Variants in FRS2 observed in about 807,000 individuals in gnomAD.
The protein encoded by FRS2 is fibroblast growth factor receptor substrate 2.
Under a neutral mutation model 43.9 loss-of-function variants are expected in FRS2, and 8 were observed. The ratio of observed to expected loss-of-function variants is 0.18; its 90% confidence interval spans 0.11 to 0.33. The LOEUF (loss-of-function observed/expected upper bound fraction) is 0.33, where lower values mean the gene tolerates loss of function less well. Among genes scored for constraint, FRS2 ranks in the 10% least tolerant of loss-of-function variants. The pLI is 1.00. For missense variants in FRS2, 534 were observed against 627.6 expected (o/e 0.85, Z 1.59); for synonymous variants, 219 against 220.3 (o/e 0.99, Z 0.05).
rs1393006956 is a variant in FRS2, at chr12:69,579,113, C to G, written c.*4158C>G. ...TCTATCCCTTCCCACCCTTTGTTCTCTATTTCTCCCTATCAGTGCCAACTT... is the reference window on the plus strand; with the variant it reads ...TCTATCCCTTCCCACCCTTTGTTCTGTATTTCTCCCTATCAGTGCCAACTT... On this transcript the variant is annotated 3_prime_UTR_variant, in exon 9 of 9. Transcript: ENST00000549921. 6.6e-6 allele frequency: 1 copy of G among 152,642 alleles called. No homozygotes were observed. The highest frequency in any genetic ancestry group is 1.9e-4 in the East Asian group (1 of 5,200). 9.5% of individuals were successfully genotyped at this position (152,642 alleles called of 1,614,324 possible).
intron 1 of FRS2, among the ~76,000 whole-genome samples, chr12:69,506,428 G>A (rs710791): frequency 0.51 from 76,919 of 151,846 alleles, 22,400 homozygotes; most frequent in African/African-American, 0.8. Flanking sequence ...GAATAATATC[G>A]CAAATACAGT....
intron 1 of FRS2, among the ~76,000 whole-genome samples, chr12:69,497,693 G>A (rs1873033557): frequency 6.6e-6 from 1 of 152,230 alleles, no homozygotes; most frequent in Non-Finnish European, 1.5e-5. Flanking sequence ...GGGAGAGTGA[G>A]CCCTGTAGAT....
chr12:69,510,992 T>C (rs1235476437), intron 1 of FRS2, among the ~76,000 whole-genome samples: 7 of 152,220 alleles, frequency 4.6e-5, no homozygotes, highest in Admixed American at 4.6e-4. Flanking sequence ...CTGGGAGAAG[T>C]AGTATCTTTC....
intron 1 of FRS2, among the ~76,000 whole-genome samples, chr12:69,476,635 C>A (rs1478393427): frequency 1.3e-5 from 2 of 151,848 alleles, no homozygotes; most frequent in Non-Finnish European, 2.9e-5. Context: ...AGAAGTCCTC[C>A]TGGGGACACA....
In FRS2 at chr12:69,542,580, G is replaced by A. The variant is rs774536744; in HGVS notation, c.-122+10524G>A. On this transcript the variant is annotated intron_variant, in intron 3 of 8. Transcript: ENST00000549921. ...GAAAGAAAATATTTAAACTAATATT[G>A]TTTGTAGCTAAACCATTATTTCATT... Among the ~76,000 whole-genome samples, 62 of 152,088 alleles carry A rather than the reference G, an allele frequency of 4.1e-4. 1 individual carries two copies. The highest frequency in any genetic ancestry group is 7.5e-4 in the Non-Finnish European group (51 of 68,012).
intron 3 of FRS2, among the ~76,000 whole-genome samples, chr12:69,555,941 CAGTT>C (rs771336450): frequency 4.2e-5 from 6 of 144,314 alleles, no homozygotes; most frequent in East Asian, 2.1e-4. Flanking sequence ...ATTTGTGAAA[CAGTT>C]TGTTTTGGGG....
Position 69,557,628 on chromosome 12 carries a change from G to A in FRS2, c.-121-4552G>A, listed in dbSNP as rs553947853. Among the ~76,000 whole-genome samples the A allele has an allele frequency of 1.2e-3, 182 of 147,526 alleles. 1 individual carries two copies. Among genetic ancestry groups the A allele is most frequent in the South Asian group, 4.3e-3 (20 of 4,690 alleles). ...TGTGTGTGTGTGTGTGTGCGCGCGC[G>A]CGCGCGCGCAGGTGCATGCACGCTA... On this transcript the variant is annotated intron_variant, in intron 3 of 8. Coordinates refer to ENST00000549921, the MANE Select transcript of FRS2 (RefSeq NM_001278356.2).
Position 69,570,410 on chromosome 12 carries a change from C to T in FRS2, c.146C>T (p.Thr49Ile), listed in dbSNP as rs1418475076. 6.2e-7 allele frequency: 1 copy of T among 1,612,364 alleles called. No homozygotes were observed. The highest frequency in any genetic ancestry group is 2.2e-5 in the East Asian group (1 of 44,876). ...ACAGACACAGAACTGATTTTATACA[C>T]CCGCAAACGTGACTCAGTAAAATGG... is the stretch of plus-strand genomic sequence containing the variant. ...ELTDTELILY[T>I]RKRDSVKWHY... Residue 49 changes from threonine to isoleucine, a missense_variant, in exon 6 of 9, where the codon ACC becomes ATC. This residue lies in a region of FRS2 where 76 missense variants were observed against 90.5 expected (regional missense o/e 0.84). Transcript: ENST00000549921.
chr12:69,502,937 T>C (rs1565730267), intron 1 of FRS2, among the ~76,000 whole-genome samples: 1 of 152,206 alleles, frequency 6.6e-6, no homozygotes, highest in Non-Finnish European at 1.5e-5. Flanking sequence ...AGTCCCTTAT[T>C]AATTTTGCTA....
At chr12:69,546,977 C>G (rs1195728255) in intron 3 of FRS2, among the ~76,000 whole-genome samples, 1 of 152,080 alleles carries the variant, frequency 6.6e-6, no homozygotes, top group Non-Finnish European at 1.5e-5. Context: ...TGTTCATTGA[C>G]AGATGAATGG....
chr12:69,489,480 G>T (rs1033743052), intron 1 of FRS2, among the ~76,000 whole-genome samples: 10 of 152,060 alleles, frequency 6.6e-5, no homozygotes, highest in Non-Finnish European at 1.3e-4. Flanking sequence ...GACCAGCCTG[G>T]GCAACATGGT....
At chr12:69,498,916 TACACACTTG>T (rs918009955) in intron 1 of FRS2, among the ~76,000 whole-genome samples, 3 of 152,236 alleles carry the variant, frequency 2.0e-5, no homozygotes, top group Non-Finnish European at 2.9e-5. Context: ...GTCCCTTCAT[TACACACTTG>T]ATGTTTATAA....
intron 1 of FRS2, among the ~76,000 whole-genome samples, chr12:69,513,989 G>A (rs1412307202): frequency 2.0e-5 from 3 of 151,804 alleles, no homozygotes; most frequent in Admixed American, 2.0e-4. Context: ...GTCTTCCCAG[G>A]ATAAATCCAT....
chr12:69,510,010 TA>T (rs922374945), intron 1 of FRS2, among the ~76,000 whole-genome samples: 5 of 152,222 alleles, frequency 3.3e-5, no homozygotes, highest in African/African-American at 1.2e-4. Context: ...TTAAGTGTGA[TA>T]AATGGACTTG....
chr12:69,545,826 T>C (rs956447483), intron 3 of FRS2, among the ~76,000 whole-genome samples: 1 of 149,572 alleles, frequency 6.7e-6, no homozygotes, highest in African/African-American at 2.5e-5. Context: ...GGTCAAATAA[T>C]TTTTGACAAG....
rs183814851 is a variant in FRS2 at position 69,521,455 on chromosome 12, G to T, written c.-260-9410G>T. Among the ~76,000 whole-genome samples, 285 of 152,208 alleles carry T rather than the reference G, an allele frequency of 1.9e-3. 1 individual carries two copies. The highest frequency in any genetic ancestry group is 3.1e-3 in the Non-Finnish European group (211 of 67,996). On this transcript the variant is annotated intron_variant, in intron 1 of 8. Transcript: ENST00000549921. ...AATACTATGTTGAATAGAAGTGGTG[G>T]CAAGAGGGCATCCTTGTTTTGTGCT...
At chr12:69,496,403 C>T (rs1177987711) in intron 1 of FRS2, among the ~76,000 whole-genome samples, 2 of 151,906 alleles carry the variant, frequency 1.3e-5, no homozygotes, top group Non-Finnish European at 2.9e-5. Context: ...CGCCACTGCA[C>T]CTCCAGTCTG....
chr12:69,476,089 G>A lies in FRS2; in HGVS notation c.-261+5559G>A, dbSNP rs550874276. ...GGTTCTGTGAAATCCGAAAATCTTG[G>A]CTTAAACAGAATCTGAGGGATTGGA... On this transcript the variant is annotated intron_variant, in intron 1 of 8. Coordinates refer to ENST00000549921, the MANE Select transcript of FRS2 (RefSeq NM_001278356.2). 9.6e-4 allele frequency among the ~76,000 whole-genome samples: 146 copies of A among 152,168 alleles called. No individual in the cohort carries two copies. The Middle Eastern group carries it at 0.024, about 25-fold the overall frequency.
At chr12:69,474,278 AG>A (rs1424077745) in intron 1 of FRS2, among the ~76,000 whole-genome samples, 1 of 152,178 alleles carries the variant, frequency 6.6e-6, no homozygotes, top group Non-Finnish European at 1.5e-5. Context: ...AAATGTCCAA[AG>A]GCTTTTGGAA....
Sources: gnomAD v4.1 joint callset for allele counts (sites outside exome capture counted in the v4.1 genomes callset) on GRCh38, gnomAD v4.1.1 for gene constraint, gnomAD v4.1.1 regional missense constraint, MANE v1.5 for transcripts, NCBI Gene and HGNC (gene_info 2026-07-23, HGNC 2026-07-21) for gene names.